Variants in TRPM7 observed in about 807,000 individuals in gnomAD.
TRPM7 encodes transient receptor potential cation channel subfamily M member 7.
Under a neutral mutation model 229.7 loss-of-function variants are expected in TRPM7, and 134 were observed. That is an observed-to-expected ratio of 0.58 (90% CI 0.51 to 0.67). TRPM7 has a LOEUF of 0.67. TRPM7 is among the 30% of genes least tolerant of loss of function. The pLI, the probability that TRPM7 is intolerant of heterozygous loss-of-function variation, is 0.00. For missense variants in TRPM7, 1,901 were observed against 2,210.0 expected (o/e 0.86, Z 2.80); for synonymous variants, 699 against 715.2 (o/e 0.98, Z 0.36).
Position 50,652,222 on chromosome 15 carries a change from T to C in TRPM7, c.123-3337A>G, listed in dbSNP as rs561098927. Among the ~76,000 whole-genome samples, 5 of 147,224 alleles carry C rather than the reference T, an allele frequency of 3.4e-5. No homozygotes were observed. The East Asian group carries it at 1.0e-3, about 30-fold the overall frequency. On this transcript the variant is annotated intron_variant, in intron 3 of 38. Transcript: ENST00000646667. ...GTGGTGGGCGCCTGTAATGCCAGCTTCTGAGGAGGCTGAGGCATGAAAATT... is the reference window on the plus strand; with the variant it reads ...GTGGTGGGCGCCTGTAATGCCAGCTCCTGAGGAGGCTGAGGCATGAAAATT...
intron 23 of TRPM7, 24 bp from the exon 24 acceptor site, chr15:50,594,637 A>T: frequency 6.8e-7 from 1 of 1,478,704 alleles, no homozygotes; most frequent in Non-Finnish European, 9.2e-7. Context: ...GAATAAAAAT[A>T]AAATAAACTT....
At chr15:50,590,986 C>T (rs2059475262) in intron 26 of TRPM7, among the ~76,000 whole-genome samples, 1 of 152,172 alleles carries the variant, frequency 6.6e-6, no homozygotes, top group African/African-American at 2.4e-5. Context: ...GGCTTATTAA[C>T]ATACTGTCTG....
At chr15:50,600,699 G>A (rs2059758424) in intron 21 of TRPM7, among the ~76,000 whole-genome samples, 1 of 152,162 alleles carries the variant, frequency 6.6e-6, no homozygotes, top group Non-Finnish European at 1.5e-5. Flanking sequence ...AGATGTGAAA[G>A]GTAAAGGGGA....
At chr15:50,619,625 G>T in intron 13 of TRPM7, 120 bp downstream of exon 13, 2 of 854,162 alleles carry the variant, frequency 2.3e-6, no homozygotes, top group Non-Finnish European at 3.5e-6. Flanking sequence ...ATCTTGTTCT[G>T]TAAACTGTAA....
intron 22 of TRPM7, among the ~76,000 whole-genome samples, chr15:50,598,728 C>T (rs984482101): frequency 1.1e-4 from 16 of 152,186 alleles, no homozygotes; most frequent in Admixed American, 7.9e-4. Context: ...AACAGTGTCT[C>T]TTTCCTCCTG....
chr15:50,618,538 C>T (rs2060294126), intron 13 of TRPM7, among the ~76,000 whole-genome samples: 1 of 151,540 alleles, frequency 6.6e-6, no homozygotes, highest in South Asian at 2.1e-4. Flanking sequence ...CCACTGCACT[C>T]CAGCCTGGGC....
At position 50,611,297 on chromosome 15, in the gene TRPM7, T is replaced by C. The variant is rs1390561788; in HGVS notation, c.2076A>G (p.Glu692=). The C allele has an allele frequency of 1.2e-6, 2 of 1,613,522 alleles. No individual in the cohort carries two copies. Among genetic ancestry groups the C allele is most frequent in the Non-Finnish European group, 1.7e-6 (2 of 1,179,750 alleles). Residue 692 remains glutamate (E), a synonymous_variant, in exon 17 of 39, where the codon GAA becomes GAG. Coordinates refer to ENST00000646667, the MANE Select transcript of TRPM7 (RefSeq NM_017672.6). ...CTTGTCTGAAGGACTGTTCTAATAA[T>C]TCAACGGCCAACTGACCAAAATCAC... ...YSNDFGQLAV[E]LLEQSFRQDE...
At position 50,580,816 on chromosome 15, in the gene TRPM7, GAC is replaced by G. The variant is rs1010348476; in HGVS notation, c.4592+56_4592+57del. On this transcript the variant is annotated intron_variant, in intron 30 of 38. Coordinates refer to ENST00000646667, the MANE Select transcript of TRPM7 (RefSeq NM_017672.6). The stretch of plus-strand genomic sequence containing the variant: ...AGATGATGTAAAGAGCAGGAAAAAA[GAC>G]AACATTCAATAACTATGATACTTCG... 12 of 1,497,164 alleles carry G rather than the reference GAC, an allele frequency of 8.0e-6. No individual in the cohort carries two copies. In the African/African-American group the frequency reaches 1.1e-4, roughly 14 times the overall value. 92.7% of individuals were successfully genotyped at this position (1,497,164 alleles called of 1,614,324 possible).
Position 50,624,181 on chromosome 15 carries a change from T to G in TRPM7, c.1425A>C (p.Glu475Asp). The part of the protein sequence containing the change: ...MHKFLTIPRL[E>D]ELYNTKQGPT... ...GTAGACTTACAGTGTTGTAAAGTTCTTCCAGTCTCGGAATGGTAAGGAATT... is the reference window on the plus strand; with the variant it reads ...GTAGACTTACAGTGTTGTAAAGTTCGTCCAGTCTCGGAATGGTAAGGAATT... The change falls in exon 12 of 39, where the codon GAA (glutamate) becomes GAC (aspartate). Residue 475 changes from glutamate (E) to aspartate (D), a missense_variant. Glu to Asp is a conservative substitution (Grantham distance 45). Coordinates refer to ENST00000646667, the MANE Select transcript of TRPM7 (RefSeq NM_017672.6). 1 of 1,606,994 alleles carries G rather than the reference T, an allele frequency of 6.2e-7. No homozygotes were observed. Among genetic ancestry groups the G allele is most frequent in the Non-Finnish European group, 8.5e-7 (1 of 1,177,902 alleles).
chr15:50,627,738 T>C (rs1439613256), intron 11 of TRPM7, among the ~76,000 whole-genome samples: 1 of 152,076 alleles, frequency 6.6e-6, no homozygotes, highest in Non-Finnish European at 1.5e-5. Context: ...TGGAATTGGA[T>C]TGGAATACAT....
intron 1 of TRPM7, among the ~76,000 whole-genome samples, chr15:50,678,564 AATTTT>A: frequency 6.7e-6 from 1 of 149,666 alleles, no homozygotes; most frequent in East Asian, 1.9e-4. Context: ...ACATATACAT[AATTTT>A]ATTATGTCAC....
Position 50,604,989 on chromosome 15 carries a change from A to G in TRPM7, c.2865T>C (p.Asn955=), listed in dbSNP as rs780627543. 2 of 1,613,938 alleles carry G rather than the reference A, an allele frequency of 1.2e-6. No individual in the cohort carries two copies. Among genetic ancestry groups the G allele is most frequent in the Non-Finnish European group, 1.7e-6 (2 of 1,179,918 alleles). ...AKWNFANAYD[N]HVFVAGRLIY... ...TTAATCTTCCAGCCACAAAAACATG[A>G]TTATCATATGCATTTGCAAAGTTCC... Residue 955 remains asparagine, a synonymous_variant, in exon 21 of 39, where the codon AAT becomes AAC. Transcript: ENST00000646667.
rs773639424 is a variant in TRPM7, at chr15:50,624,133, T to G, written c.1440+33A>C. 3.2e-6 allele frequency: 5 copies of G among 1,577,390 alleles called. No homozygotes were observed. The East Asian group carries it at 1.1e-4, about 36-fold the overall frequency. On this transcript the variant is annotated intron_variant, in intron 12 of 38. Coordinates refer to ENST00000646667, the MANE Select transcript of TRPM7 (RefSeq NM_017672.6). ...AAGTAACATTTCCCAAAAGATAAAA[T>G]GTAGTCAATAAAGAATTTTAATGTA...
intron 3 of TRPM7, among the ~76,000 whole-genome samples, chr15:50,657,541 T>C (rs549016232): frequency 2.0e-4 from 30 of 152,290 alleles, no homozygotes; most frequent in Admixed American, 1.3e-3. Flanking sequence ...CTGCTCTCGC[T>C]GCCTAAAATT....
At chr15:50,658,446 T>C (rs1165457050) in intron 2 of TRPM7, among the ~76,000 whole-genome samples, 1 of 151,796 alleles carries the variant, frequency 6.6e-6, no homozygotes, top group African/African-American at 2.4e-5. Flanking sequence ...GGTGCAGGCC[T>C]ATAGTCCTAG....
intron 34 of TRPM7, 49 bp from the exon 35 acceptor site, chr15:50,574,768 A>C: frequency 1.9e-6 from 3 of 1,588,480 alleles, no homozygotes; most frequent in Non-Finnish European, 1.7e-6. Flanking sequence ...TTAAACTAAG[A>C]TTATATTTGG....
At chr15:50,635,039 C>T (rs2060847035) in intron 7 of TRPM7, among the ~76,000 whole-genome samples, 2 of 151,874 alleles carry the variant, frequency 1.3e-5, no homozygotes, top group South Asian at 2.1e-4. Flanking sequence ...CAGTCTTGGC[C>T]GGGCGTGGTG....
intron 13 of TRPM7, among the ~76,000 whole-genome samples, chr15:50,614,642 GAGAC>G (rs1350225788): frequency 2.2e-5 from 3 of 137,542 alleles, no homozygotes; most frequent in Non-Finnish European, 4.5e-5. Flanking sequence ...TCCAGCCTGG[GAGAC>G]AGAGCAAGAC....
chr15:50,671,567 GGGA>G (rs973681099), intron 1 of TRPM7, among the ~76,000 whole-genome samples: 41 of 152,096 alleles, frequency 2.7e-4, no homozygotes, highest in African/African-American at 9.7e-4. Flanking sequence ...ACCTTGCCGT[GGGA>G]GGAGGAGATG....
Sources: allele counts gnomAD v4.1 joint callset (sites outside exome capture counted in the v4.1 genomes callset), GRCh38; gene constraint gnomAD v4.1.1; transcripts MANE v1.5; gene names NCBI Gene and HGNC (gene_info 2026-07-23, HGNC 2026-07-21).